The following ZNF318 variants were observed in gnomAD, a reference collection of about 807,000 sequenced individuals.
ZNF318 encodes endocrine regulator.
In ZNF318, 51 loss-of-function variants were observed where a neutral mutation model predicts 124.2. The ratio of observed to expected loss-of-function variants is 0.41; its 90% CI spans 0.33 to 0.52. The LOEUF is 0.52. ZNF318 is among the 20% of genes least tolerant of loss of function. The pLI, the probability that ZNF318 is intolerant of heterozygous loss-of-function variation, is 0.23. For synonymous variants in ZNF318, 1,090 were observed against 1,040.7 expected (o/e 1.05, Z -0.91); for missense variants, 2,815 against 2,811.2 (o/e 1.00, Z -0.03).
intron 2 of ZNF318, among the ~76,000 whole-genome samples, chr6:43,361,144 A>G (rs550465577): frequency 6.6e-6 from 1 of 152,346 alleles, no homozygotes; most frequent in South Asian, 2.1e-4. Flanking sequence ...TTCAGAGCCT[A>G]AACTCTCCAT....
At position 43,357,120 on chromosome 6, in the gene ZNF318, A is replaced by G; in HGVS notation, c.1188+6T>C. Reference sequence around the variant, plus strand: ...CAAGAGGCCCTACAAGAAATGCAGCAGAGACCTGCATGGAGGGCTCCATTA... The same window carrying G: ...CAAGAGGCCCTACAAGAAATGCAGCGGAGACCTGCATGGAGGGCTCCATTA... On this transcript the variant is annotated splice_donor_region_variant and intron_variant, in intron 3 of 9. Transcript: ENST00000361428. 2 of 1,603,190 alleles carry G rather than the reference A, an allele frequency of 1.2e-6. No individual in the cohort carries two copies. The highest frequency in any genetic ancestry group is 3.4e-4 in the Middle Eastern group (2 of 5,962).
At chr6:43,359,872 T>C (rs1177904668) in intron 2 of ZNF318, among the ~76,000 whole-genome samples, 1 of 152,326 alleles carries the variant, frequency 6.6e-6, no homozygotes, top group East Asian at 1.9e-4. Context: ...CAATGCAGTA[T>C]GAAATAGGAA....
In ZNF318 at chr6:43,356,115, T is replaced by A; in HGVS notation, c.1219A>T (p.Ser407Cys). The A allele has an allele frequency of 6.2e-7, 1 of 1,613,750 alleles. No individual in the cohort carries two copies. Residue 407 changes from serine to cysteine, a missense_variant, in exon 4 of 10, where the codon AGC becomes TGC. Physicochemically the swap from Ser to Cys is moderately radical, Grantham distance 112. Transcript: ENST00000361428. ...LESFSSSTSS[S>C]QDHPLYSGHP... ...CCAGAGTAGAGAGGGTGATCCTGGCTGGAGCTGGTACTGCTGGAAAAACTC... is the reference window on the plus strand; with the variant it reads ...CCAGAGTAGAGAGGGTGATCCTGGCAGGAGCTGGTACTGCTGGAAAAACTC...
chr6:43,341,009 G>C, intron 8 of ZNF318, 101 bp from the exon 9 acceptor site: 1 of 846,418 alleles, frequency 1.2e-6, no homozygotes, highest in South Asian at 1.4e-5. Flanking sequence ...AATGGTTACA[G>C]TATAGAGGGC....
At position 43,339,608 on chromosome 6, in the gene ZNF318, G is replaced by A. The variant is rs1235544579; in HGVS notation, c.4390C>T (p.Pro1464Ser). The change falls in exon 10 of 10, where the codon CCG becomes TCG. Residue 1464 changes from proline to serine, a missense_variant. By Grantham distance (74) the Pro-to-Ser change is moderately conservative. Transcript: ENST00000361428. The surrounding 1 kb of genome is among the most constrained non-coding windows in gnomAD (Gnocchi z 4.2). ...ATAGCATTTGCTTGAGCAGCAGACG[G>A]GGCAGCTGGATGAGGTATAACGGGG... ...PPPVIPHPAA[P>S]SAAQANAILA... The A allele has an allele frequency of 1.9e-6, 3 of 1,612,912 alleles. No homozygotes were observed. The Admixed American group carries it at 5.0e-5, about 27-fold the overall frequency.
chr6:43,343,730 G>A (rs1348886300), intron 6 of ZNF318, among the ~76,000 whole-genome samples: 1 of 149,532 alleles, frequency 6.7e-6, no homozygotes, highest in Non-Finnish European at 1.5e-5. Flanking sequence ...TCGGGAGGTT[G>A]AGGCACGAGA....
In ZNF318 at chr6:43,338,780, A is replaced by G. The variant is rs1340312430; in HGVS notation, c.5218T>C (p.Cys1740Arg). The G allele has an allele frequency of 5.6e-6, 9 of 1,614,112 alleles. No homozygotes were observed. Among genetic ancestry groups the G allele is most frequent in the Non-Finnish European group, 5.9e-6 (7 of 1,180,014 alleles). ...TCTACCAACTTCTGAGATTCTTTGC[A>G]CTGTATATCTAACAGTTGAGGAGGT... is the stretch of plus-strand genomic sequence containing the variant. Reference protein sequence around the residue: ...EPPPQLLDIQCKESQKLVEIH... With the variant: ...EPPPQLLDIQRKESQKLVEIH... Residue 1740 changes from cysteine (C) to arginine (R), a missense_variant, in exon 10 of 10, where the codon TGC becomes CGC. By Grantham distance (180) the Cys-to-Arg change is radical. Transcript: ENST00000361428.
Position 43,340,312 on chromosome 6 carries a change from A to C in ZNF318, c.3686T>G (p.Val1229Gly), listed in dbSNP as rs1228062537. 2 of 1,613,872 alleles carry C rather than the reference A, an allele frequency of 1.2e-6. No homozygotes were observed. The highest frequency in any genetic ancestry group is 3.3e-5 in the Admixed American group (2 of 59,990). The change falls in exon 10 of 10, where the codon GTC becomes GGC. Residue 1229 changes from valine (V) to glycine (G), a missense_variant. This residue lies in a region of ZNF318 where 500 missense variants were observed against 605.2 expected (regional missense o/e 0.83). Coordinates refer to ENST00000361428, the MANE Select transcript of ZNF318 (RefSeq NM_014345.3). ...GAGTTGGTCTTCTAATTTCTCAGAG[A>C]CCTTGTCATCCTCCTTTACTTCTTT... ...AVKEVKEDDKVSEKLEDQLSE... is the reference protein window; with the variant it reads ...AVKEVKEDDKGSEKLEDQLSE...
intron 2 of ZNF318, among the ~76,000 whole-genome samples, chr6:43,358,415 T>TTTC (rs1491369494): frequency 3.6e-4 from 1 of 2,796 alleles, no homozygotes; most frequent in Non-Finnish European, 1.1e-3. Context: ...ACCCGGCTAA[T>TTTC]TTTTTTTTTT....
chr6:43,359,027 T>C (rs942536942), intron 2 of ZNF318, among the ~76,000 whole-genome samples: 7 of 152,058 alleles, frequency 4.6e-5, no homozygotes, highest in African/African-American at 1.2e-4. Flanking sequence ...AATAATTCAA[T>C]TGGGAAAAAA....
chr6:43,342,595 A>C (rs1779386248), intron 7 of ZNF318, 81 bp downstream of exon 7: 3 of 1,452,616 alleles, frequency 2.1e-6, no homozygotes, highest in South Asian at 1.2e-5. Context: ...TTCCTTTTCC[A>C]GCTTTGCAAT....
At chr6:43,363,672 G>A in intron 2 of ZNF318, 1 of 545,410 alleles carries the variant, frequency 1.8e-6, no homozygotes, top group South Asian at 2.2e-5. Flanking sequence ...TCTTCTTCCT[G>A]CCCATCAAGG....
rs748805694 is a variant in ZNF318 at position 43,357,409 on chromosome 6, C to T, written c.905G>A (p.Arg302His). 1.5e-5 allele frequency: 24 copies of T among 1,614,068 alleles called. 1 individual carries two copies. Among genetic ancestry groups the T allele is most frequent in the Middle Eastern group, 1.6e-4 (1 of 6,084 alleles). ...FTSGTRNYRQ[R>H]RRSPSPRFLD... Reference sequence around the variant, plus strand: ...AAACCTAGGACTTGGGCTTCTTCTACGCTGTCGATAGTTGCGAGTTCCTGA... The same window carrying T: ...AAACCTAGGACTTGGGCTTCTTCTATGCTGTCGATAGTTGCGAGTTCCTGA... Residue 302 changes from arginine to histidine, a missense_variant, in exon 3 of 10, where the codon CGT (arginine) becomes CAT (histidine). Physicochemically the swap from Arg to His is conservative, Grantham distance 29. Coordinates refer to ENST00000361428, the MANE Select transcript of ZNF318 (RefSeq NM_014345.3).
rs761486515 is a variant in ZNF318, at chr6:43,342,898, T to C, written c.3073-19A>G. On this transcript the variant is annotated intron_variant, in intron 6 of 9. Transcript: ENST00000361428. ...TTGATTCCTAGAGGGGAAAAATCTG[T>C]ACTTACAAGGAATTCAAGGCAATCT... 6.3e-7 allele frequency: 1 copy of C among 1,596,192 alleles called. No homozygotes were observed. The highest frequency in any genetic ancestry group is 2.2e-5 in the East Asian group (1 of 44,626).
At chr6:43,364,211 C>T in intron 2 of ZNF318, 1 of 699,498 alleles carries the variant, frequency 1.4e-6, no homozygotes, top group Admixed American at 2.3e-5. Context: ...GTCTCCCTAT[C>T]AGGAATTCAC....
At chr6:43,356,976 C>A in intron 3 of ZNF318, 150 bp downstream of exon 3, 1 of 830,818 alleles carries the variant, frequency 1.2e-6, no homozygotes, top group Non-Finnish European at 1.8e-6. Flanking sequence ...CCTACAGTTT[C>A]GTTTGGAGAG....
At position 43,337,002 on chromosome 6, in the gene ZNF318, G is replaced by A. The variant is rs1582576933; in HGVS notation, c.*156C>T. 1.8e-6 allele frequency: 1 copy of A among 558,522 alleles called. No individual in the cohort carries two copies. The highest frequency in any genetic ancestry group is 2.8e-6 in the Non-Finnish European group (1 of 351,862). The allele number at this position is 558,522 out of a possible 1,614,324, so 34.6% of individuals were successfully genotyped here. Reference sequence around the variant, plus strand: ...AAGGGGAAAGGGAAAAGGAAAGGAGGTAAATTTTTTAGCTTCCATGAACAT... The same window carrying A: ...AAGGGGAAAGGGAAAAGGAAAGGAGATAAATTTTTTAGCTTCCATGAACAT... On this transcript the variant is annotated 3_prime_UTR_variant, in exon 10 of 10. Coordinates refer to ENST00000361428, the MANE Select transcript of ZNF318 (RefSeq NM_014345.3).
intron 2 of ZNF318, among the ~76,000 whole-genome samples, chr6:43,362,945 A>C (rs895493895): frequency 6.6e-6 from 1 of 152,162 alleles, no homozygotes; most frequent in African/African-American, 2.4e-5. Flanking sequence ...ACCATACTGA[A>C]CAAAAGGGAA....
At position 43,342,160 on chromosome 6, in the gene ZNF318, T is replaced by C; in HGVS notation, c.3328A>G (p.Lys1110Glu). The C allele has an allele frequency of 1.2e-6, 2 of 1,614,050 alleles. No homozygotes were observed. The highest frequency in any genetic ancestry group is 1.7e-6 in the Non-Finnish European group (2 of 1,179,940). Residue 1110 changes from lysine to glutamate, a missense_variant, in exon 8 of 10, where the codon AAG (lysine) becomes GAG (glutamate). By Grantham distance (56) the Lys-to-Glu change is moderately conservative (BLOSUM62 1). Around this residue, in one of 4 missense-constraint regions of ZNF318, gnomAD observed 500 missense variants for 605.2 expected, o/e 0.83. Transcript: ENST00000361428. ...PWASKTQSEAKQDAIKRTDKI... is the reference protein window; with the variant it reads ...PWASKTQSEAEQDAIKRTDKI... ...TCAGTGCGCTTTATGGCATCTTGCT[T>C]GGCCTCACTCTGGGTCTTTGAAGCC...
Sources: gnomAD v4.1 joint callset for allele counts (sites outside exome capture counted in the v4.1 genomes callset) on GRCh38, gnomAD v4.1.1 for gene constraint, gnomAD v4.1.1 regional missense constraint, Gnocchi (gnomAD v3.1) non-coding constraint, MANE v1.5 for transcripts, NCBI Gene and HGNC (gene_info 2026-07-23, HGNC 2026-07-21) for gene names.